The following EPHA8 variants were observed in gnomAD, a reference collection of about 807,000 sequenced individuals.
EPHA8 encodes EPH receptor A8.
Under a neutral mutation model 103.6 loss-of-function variants are expected in EPHA8, and 58 were observed. The ratio of observed to expected loss-of-function variants is 0.56; its 90% confidence interval spans 0.45 to 0.70. EPHA8 has a LOEUF of 0.70. Among genes scored for constraint, EPHA8 ranks in the 30% least tolerant of loss-of-function variants. EPHA8 has a pLI of 0.00. For synonymous variants in EPHA8, 559 were observed against 572.5 expected (o/e 0.98, Z 0.34); for missense variants, 1,304 against 1,395.2 (o/e 0.93, Z 1.04).
Position 22,576,156 on chromosome 1 carries a change from A to T in EPHA8, c.160-61A>T. On this transcript the variant is annotated intron_variant, in intron 2 of 16. Coordinates refer to ENST00000166244, the MANE Select transcript of EPHA8 (RefSeq NM_020526.5). This position sits in a 1 kb window ranked among gnomAD's most constrained non-coding sequence, Gnocchi z 4.8. ...CGTCCCCAGCACAGAACACAGGGTC[A>T]TTGGCAAAAGAGGGTGAGGTGCTGG... 6.5e-7 allele frequency: 1 copy of T among 1,536,706 alleles called. No individual in the cohort carries two copies. Among genetic ancestry groups the T allele is most frequent in the South Asian group, 1.3e-5 (1 of 79,314 alleles).
intron 3 of EPHA8, among the ~76,000 whole-genome samples, chr1:22,579,225 G>A (rs573321420): frequency 6.6e-6 from 1 of 151,744 alleles, no homozygotes; most frequent in African/African-American, 2.4e-5. Context: ...GTGTATGTAT[G>A]CATGTGTGTG....
In EPHA8 at chr1:22,586,636, G is replaced by A. The variant is rs752182268; in HGVS notation, c.979+1G>A. On this transcript the variant is annotated splice_donor_variant, in intron 4 of 16. Coordinates refer to ENST00000166244, the MANE Select transcript of EPHA8 (RefSeq NM_020526.5). LOFTEE classifies it high-confidence loss of function. ...GACCCGCCGTCCTCAGCCTGCACCC[G>A]TGAGTACCACTCCGAGATGCCAGTA... 2.5e-6 allele frequency: 4 copies of A among 1,613,578 alleles called. No individual in the cohort carries two copies. The highest frequency in any genetic ancestry group is 1.7e-5 in the Admixed American group (1 of 60,004).
In EPHA8 at chr1:22,588,974, C is replaced by A; in HGVS notation, c.1083C>A (p.Thr361=). The A allele has an allele frequency of 6.2e-7, 1 of 1,613,608 alleles. No individual in the cohort carries two copies. The highest frequency in any genetic ancestry group is 2.2e-5 in the East Asian group (1 of 44,878). ...PLDPGGRSDI[T]YNAVCRRCPW... The stretch of plus-strand genomic sequence containing the variant: ...ACCCAGGTGGCCGCAGTGACATCAC[C>A]TACAATGCCGTGTGCCGCCGCTGCC... The change falls in exon 5 of 17, where the codon ACC becomes ACA. Residue 361 remains threonine (T), a synonymous_variant. Coordinates refer to ENST00000166244, the MANE Select transcript of EPHA8 (RefSeq NM_020526.5).
rs1403540005 is a variant in EPHA8 at position 22,598,296 on chromosome 1, AG to A, written c.2178+85del. The A allele has an allele frequency of 1.4e-6, 2 of 1,394,072 alleles. No homozygotes were observed. Among genetic ancestry groups the A allele is most frequent in the African/African-American group, 2.9e-5 (2 of 69,956 alleles). 86.4% of individuals were successfully genotyped at this position (1,394,072 alleles called of 1,614,324 possible). A position where few individuals can be genotyped will look rare whatever the true frequency, so the allele number is the denominator to read the frequency against. ...CTGGGAGATAGTGCAAAGCCCTCTA[AG>A]CCCCCTCCCTGGCTTGGACACCACA... On this transcript the variant is annotated intron_variant, in intron 12 of 16. Transcript: ENST00000166244. The surrounding 1 kb of genome is among the most constrained non-coding windows in gnomAD (Gnocchi z 5.1).
chr1:22,585,058 C>T lies in EPHA8; in HGVS notation c.824-1422C>T, dbSNP rs529570743. On this transcript the variant is annotated intron_variant, in intron 3 of 16. Transcript: ENST00000166244. ...GTGTGTGTGTGTGTGTGTGCGCACG[C>T]GTGTGTCTAGAGTTCCAGAAGGGAC... Among the ~76,000 whole-genome samples the T allele has an allele frequency of 8.1e-3, 839 of 103,844 alleles. 4 individuals are homozygous for T. Among genetic ancestry groups the T allele is most frequent in the African/African-American group, 0.04 (752 of 18,852 alleles). 68.1% of individuals were successfully genotyped at this position (103,844 alleles called of 152,430 possible).
At chr1:22,599,113 G>C in intron 13 of EPHA8, 66 bp downstream of exon 13, 1 of 1,509,644 alleles carries the variant, frequency 6.6e-7, no homozygotes, top group Non-Finnish European at 9.0e-7. Flanking sequence ...GGCACCCAGG[G>C]CCCAACCATT....
At chr1:22,578,222 G>A (rs1640829529) in intron 3 of EPHA8, among the ~76,000 whole-genome samples, 1 of 139,546 alleles carries the variant, frequency 7.2e-6, no homozygotes, top group African/African-American at 3.0e-5. Flanking sequence ...GCGTGTGAGT[G>A]TGCATGTGTG....
chr1:22,592,440 C>T (rs554869563), intron 5 of EPHA8, among the ~76,000 whole-genome samples: 1 of 152,322 alleles, frequency 6.6e-6, no homozygotes, highest in South Asian at 2.1e-4. Context: ...AGCCAAGTCC[C>T]GAACCCACGC....
Position 22,593,691 on chromosome 1 carries a change from G to A in EPHA8, c.1603+5G>A. On this transcript the variant is annotated splice_donor_5th_base_variant and intron_variant, in intron 7 of 16. Coordinates refer to ENST00000166244, the MANE Select transcript of EPHA8 (RefSeq NM_020526.5). Reference sequence around the variant, plus strand: ...AGGTGGAGACCGGGAAACCCCGTGAGTGCAGGGAGGGGGCGTGGGCGCGGA... The same window carrying A: ...AGGTGGAGACCGGGAAACCCCGTGAATGCAGGGAGGGGGCGTGGGCGCGGA... 1 of 1,583,968 alleles carries A rather than the reference G, an allele frequency of 6.3e-7. No individual in the cohort carries two copies.
At chr1:22,590,457 T>C (rs762137454) in intron 5 of EPHA8, among the ~76,000 whole-genome samples, 4 of 152,202 alleles carry the variant, frequency 2.6e-5, no homozygotes, top group Non-Finnish European at 4.4e-5. Context: ...GACTTCTCCA[T>C]GTCTTTCCTC....
In EPHA8 at chr1:22,569,491, G is replaced by A. The variant is rs528760401; in HGVS notation, c.159+138G>A. The A allele has an allele frequency of 1.2e-5, 10 of 853,274 alleles. No homozygotes were observed. Among genetic ancestry groups the A allele is most frequent in the East Asian group, 8.3e-5 (3 of 36,072 alleles). 52.9% of individuals were successfully genotyped at this position (853,274 alleles called of 1,614,324 possible). On this transcript the variant is annotated intron_variant, in intron 2 of 16. Transcript: ENST00000166244. The surrounding 1 kb of genome is among the most constrained non-coding windows in gnomAD (Gnocchi z 4.5). ...GGGACTTACCCAAGGGCACACAGCA[G>A]TTAGTGCTGCTGATCTCTTAACAGT... is the stretch of plus-strand genomic sequence containing the variant.
At position 22,566,482 on chromosome 1, in the gene EPHA8, C is replaced by T. The variant is rs141557242; in HGVS notation, c.94+2753C>T. 6.1e-4 allele frequency among the ~76,000 whole-genome samples: 93 copies of T among 152,284 alleles called. 3 individuals are homozygous for T. The East Asian group carries it at 7.7e-3, about 13-fold the overall frequency. On this transcript the variant is annotated intron_variant, in intron 1 of 16. Coordinates refer to ENST00000166244, the MANE Select transcript of EPHA8 (RefSeq NM_020526.5). ...TGCTTCCCAGAGCAGGAGAGGGACC[C>T]GTTTGATCCCCCCAGAACAGCCCGG...
chr1:22,586,447 CT>C (rs1247254751), intron 3 of EPHA8, 32 bp from the exon 4 acceptor site: 6 of 1,606,340 alleles, frequency 3.7e-6, no homozygotes, highest in Non-Finnish European at 5.1e-6. Context: ...GGTGGCCCTG[CT>C]GGCTCATGTG....
intron 2 of EPHA8, among the ~76,000 whole-genome samples, chr1:22,573,231 T>A: frequency 6.6e-6 from 1 of 152,112 alleles, no homozygotes; most frequent in Non-Finnish European, 1.5e-5. Flanking sequence ...TCCCGCATGG[T>A]CCCTGGAGGC....
chr1:22,577,287 A>C (rs1640735921), intron 3 of EPHA8, among the ~76,000 whole-genome samples: 1 of 152,196 alleles, frequency 6.6e-6, no homozygotes, highest in Non-Finnish European at 1.5e-5. Flanking sequence ...TGGCCACTAC[A>C]CTATGACGTA....
chr1:22,580,296 G>A (rs556990546), intron 3 of EPHA8, among the ~76,000 whole-genome samples: 13 of 151,736 alleles, frequency 8.6e-5, no homozygotes, highest in Middle Eastern at 3.2e-3. Flanking sequence ...CCGCCACCAC[G>A]CCCAGCTAAT....
intron 13 of EPHA8, among the ~76,000 whole-genome samples, chr1:22,599,555 C>T (rs546455173): frequency 6.7e-6 from 1 of 148,202 alleles, no homozygotes; most frequent in African/African-American, 2.5e-5. Context: ...AGAAAGGATC[C>T]TGTGACAACA....
chr1:22,589,164 C>T lies in EPHA8; in HGVS notation c.1273C>T (p.Pro425Ser). The change falls in exon 5 of 17, where the codon CCC (proline) becomes TCC (serine). Residue 425 changes from proline to serine, a missense_variant. Coordinates refer to ENST00000166244, the MANE Select transcript of EPHA8 (RefSeq NM_020526.5). The surrounding 1 kb of genome is among the most constrained non-coding windows in gnomAD (Gnocchi z 4.3). ...VNGVSDLSPE[P>S]RRAAVVNITT... ...TGGCGTGTCCGACCTGAGCCCCGAGCCCCGCCGGGCCGCTGTGGTCAACAT... is the reference window on the plus strand; with the variant it reads ...TGGCGTGTCCGACCTGAGCCCCGAGTCCCGCCGGGCCGCTGTGGTCAACAT... 1 of 1,613,830 alleles carries T rather than the reference C, an allele frequency of 6.2e-7. No homozygotes were observed. Among genetic ancestry groups the T allele is most frequent in the Non-Finnish European group, 8.5e-7 (1 of 1,179,934 alleles).
At position 22,589,373 on chromosome 1, in the gene EPHA8, C is replaced by A. The variant is rs779185075; in HGVS notation, c.1315+167C>A. The A allele has an allele frequency of 6.5e-7, 1 of 1,549,370 alleles. No individual in the cohort carries two copies. Among genetic ancestry groups the A allele is most frequent in the Non-Finnish European group, 8.7e-7 (1 of 1,152,210 alleles). On this transcript the variant is annotated intron_variant, in intron 5 of 16. Transcript: ENST00000166244. The surrounding 1 kb of genome is among the most constrained non-coding windows in gnomAD (Gnocchi z 4.3). Reference sequence around the variant, plus strand: ...ACCCAGAGCTGGAGGCTCTTCATTGCCTTTAGAAAAGTGGAACACATTCTA... The same window carrying A: ...ACCCAGAGCTGGAGGCTCTTCATTGACTTTAGAAAAGTGGAACACATTCTA...
Sources: gnomAD v4.1 joint callset for allele counts (sites outside exome capture counted in the v4.1 genomes callset) on GRCh38, gnomAD v4.1.1 for gene constraint, Gnocchi (gnomAD v3.1) non-coding constraint, MANE v1.5 for transcripts, NCBI Gene and HGNC (gene_info 2026-07-23, HGNC 2026-07-21) for gene names.